Variants in SYNPO2L observed in about 807,000 individuals in gnomAD.
SYNPO2L encodes synaptopodin 2-like protein.
SYNPO2L carries 34 observed loss-of-function variants against 47.5 expected under a neutral mutation model. The ratio of observed to expected loss-of-function variants is 0.72; its 90% confidence interval spans 0.54 to 0.95. The LOEUF (loss-of-function observed/expected upper bound fraction) is 0.95. Ranked by LOEUF, SYNPO2L falls within the 40% of genes least tolerant of loss-of-function variation. The pLI is 0.00. For synonymous variants in SYNPO2L, 536 were observed against 524.9 expected (o/e 1.02, Z -0.29); for missense variants, 1,246 against 1,282.0 (o/e 0.97, Z 0.43).
chr10:73,648,880 C>T lies in SYNPO2L; in HGVS notation c.773-1G>A. 1 of 1,502,544 alleles carries T rather than the reference C, an allele frequency of 6.7e-7. No homozygotes were observed. The highest frequency in any genetic ancestry group is 1.4e-5 in the South Asian group (1 of 73,764). 93.1% of individuals were successfully genotyped at this position (1,502,544 alleles called of 1,614,324 possible). On this transcript the variant is annotated splice_acceptor_variant, in intron 3 of 3. Coordinates refer to ENST00000394810, the MANE Select transcript of SYNPO2L (RefSeq NM_001114133.3). LOFTEE classifies it high-confidence loss of function. ...TGGAGGCTCTCTGCACGTTGCAGTT[C>T]TGGGGAGGCCAAGAGGTAAAATGGT...
At chr10:73,654,455 C>CAG in intron 1 of SYNPO2L, 175 bp from the exon 2 acceptor site, 4 of 699,404 alleles carry the variant, frequency 5.7e-6, no homozygotes, top group Non-Finnish European at 9.3e-6. Context: ...AGAAAGTATA[C>CAG]AGACTGGAGA....
chr10:73,647,209 G>C lies in SYNPO2L; in HGVS notation c.2443C>G (p.Pro815Ala). The change falls in exon 4 of 4, where the codon CCA (proline) becomes GCA (alanine). Residue 815 changes from proline (P) to alanine (A), a missense_variant. Physicochemically the swap from Pro to Ala is conservative, Grantham distance 27. Coordinates refer to ENST00000394810, the MANE Select transcript of SYNPO2L (RefSeq NM_001114133.3). The part of the protein sequence containing the change: ...IRAPPPIAYN[P>A]LLSPFFPQAA... ...TGGGGGAAAAAGGGAGAGAGCAGTG[G>C]GTTGTAAGCAATAGGAGGCGGGGCA... is the stretch of plus-strand genomic sequence containing the variant. 6.2e-7 allele frequency: 1 copy of C among 1,614,010 alleles called. No individual in the cohort carries two copies. The highest frequency in any genetic ancestry group is 8.5e-7 in the Non-Finnish European group (1 of 1,179,930).
chr10:73,653,091 G>C, intron 3 of SYNPO2L, 48 bp downstream of exon 3: 1 of 1,435,930 alleles, frequency 7.0e-7, no homozygotes, highest in Non-Finnish European at 9.2e-7. Flanking sequence ...TGGATTTAAG[G>C]CTCAGATTGA....
intron 2 of SYNPO2L, 97 bp from the exon 3 acceptor site, chr10:73,653,750 G>T: frequency 1.4e-6 from 2 of 1,405,218 alleles, no homozygotes; most frequent in Non-Finnish European, 1.9e-6. Flanking sequence ...GGGGAGGGAA[G>T]AGGTAAGGGA....
At position 73,648,652 on chromosome 10, in the gene SYNPO2L, C is replaced by G. The variant is rs764938063; in HGVS notation, c.1000G>C (p.Glu334Gln). 1.2e-6 allele frequency: 2 copies of G among 1,612,496 alleles called. No individual in the cohort carries two copies. The highest frequency in any genetic ancestry group is 1.3e-5 in the African/African-American group (1 of 74,896). The change falls in exon 4 of 4, where the codon GAG becomes CAG. Residue 334 changes from glutamate to glutamine, a missense_variant. Around this residue, in one of 3 missense-constraint regions of SYNPO2L, gnomAD observed 1,037 missense variants for 1,021.5 expected, o/e 1.02. Transcript: ENST00000394810. Reference sequence around the variant, plus strand: ...TCAGAGAAGGCTTCTTCGTCCAGCTCGGACTCACTCGTGGGGGGAACGCCG... The same window carrying G: ...TCAGAGAAGGCTTCTTCGTCCAGCTGGGACTCACTCGTGGGGGGAACGCCG... ...EDGVPPTSES[E>Q]LDEEAFSDAR...
In SYNPO2L at chr10:73,646,568, AG is replaced by A. The variant is rs2081751662; in HGVS notation, c.*149del. 14 of 1,298,728 alleles carry A rather than the reference AG, an allele frequency of 1.1e-5. No homozygotes were observed. Among genetic ancestry groups the A allele is most frequent in the Admixed American group, 3.3e-5 (1 of 29,860 alleles). 80.5% of individuals were successfully genotyped at this position (1,298,728 alleles called of 1,614,324 possible). ...GCAGGGAGGTAGAGAGTGAGGAGGAAGGTGGGGGAAGGGGACATCAACTTGG... is the reference window on the plus strand; with the variant it reads ...GCAGGGAGGTAGAGAGTGAGGAGGAAGTGGGGGAAGGGGACATCAACTTGG... On this transcript the variant is annotated 3_prime_UTR_variant, in exon 4 of 4. Transcript: ENST00000394810.
In SYNPO2L at chr10:73,647,995, G is replaced by A; in HGVS notation, c.1657C>T (p.Pro553Ser). 6.4e-7 allele frequency: 1 copy of A among 1,568,082 alleles called. No homozygotes were observed. The highest frequency in any genetic ancestry group is 8.6e-7 in the Non-Finnish European group (1 of 1,158,908). ...PVTATSSLYI[P>S]APSRPVTPGG... ...GGGGTGACAGGCCGACTAGGGGCTG[G>A]GATGTACAGGGAGCTGGTGGCTGTC... The change falls in exon 4 of 4, where the codon CCA becomes TCA. Residue 553 changes from proline (P) to serine (S), a missense_variant. This residue lies in a region of SYNPO2L where 1,037 missense variants were observed against 1,021.5 expected (regional missense o/e 1.02). Coordinates refer to ENST00000394810, the MANE Select transcript of SYNPO2L (RefSeq NM_001114133.3).
rs774559890 is a variant in SYNPO2L, at chr10:73,653,411, G to A, written c.500C>T (p.Pro167Leu). ...GACCTCATCAGGTGGGGCACCCGGA[G>A]GGGTGGGCCTTGTGGGGCCTCGGCG... ...PRRRGPTRPT[P>L]PGAPPDEVYL... Residue 167 changes from proline to leucine, a missense_variant, in exon 3 of 4, where the codon CCT becomes CTT. Physicochemically the swap from Pro to Leu is moderately conservative, Grantham distance 98. Around this residue, in one of 3 missense-constraint regions of SYNPO2L, gnomAD observed 148 missense variants for 204.8 expected, o/e 0.72. Transcript: ENST00000394810. The A allele has an allele frequency of 7.4e-5, 115 of 1,551,422 alleles. No homozygotes were observed. In the African/African-American group the frequency reaches 1.5e-3, roughly 20 times the overall value.
At position 73,653,274 on chromosome 10, in the gene SYNPO2L, G is replaced by A; in HGVS notation, c.637C>T (p.Pro213Ser). The stretch of plus-strand genomic sequence containing the variant: ...GGTAACAGCAGAGCCTCAGCTGGGG[G>A]TGGCTGAAGGGCTGCCCCATCCTCC... ...SWEDGAALQP[P>S]PAEALLLPHG... Residue 213 changes from proline (P) to serine (S), a missense_variant, in exon 3 of 4, where the codon CCC becomes TCC. By Grantham distance (74) the Pro-to-Ser change is moderately conservative. Around this residue, in one of 3 missense-constraint regions of SYNPO2L, gnomAD observed 1,037 missense variants for 1,021.5 expected, o/e 1.02. Transcript: ENST00000394810. 2 of 1,550,106 alleles carry A rather than the reference G, an allele frequency of 1.3e-6. No individual in the cohort carries two copies. The highest frequency in any genetic ancestry group is 1.7e-6 in the Non-Finnish European group (2 of 1,146,166).
rs369315169 is a variant in SYNPO2L at position 73,647,903 on chromosome 10, G to C, written c.1749C>G (p.Phe583Leu). ...CAGAGGGTCGCAAAGGCGCAGATAG[G>C]AAGATAGAAGCGGTGGAGGTCATGG... ...AAAMTSTASI[F>L]LSAPLRPSAR... Residue 583 changes from phenylalanine (F) to leucine (L), a missense_variant, in exon 4 of 4, where the codon TTC becomes TTG. By Grantham distance (22) the Phe-to-Leu change is conservative (BLOSUM62 0). Transcript: ENST00000394810. 2 of 1,529,448 alleles carry C rather than the reference G, an allele frequency of 1.3e-6. No individual in the cohort carries two copies. The highest frequency in any genetic ancestry group is 1.4e-5 in the African/African-American group (1 of 71,924). The allele number at this position is 1,529,448 out of a possible 1,614,324, so 94.7% of individuals were successfully genotyped here. A position where few individuals can be genotyped will look rare whatever the true frequency, so the allele number is the denominator to read the frequency against.
In SYNPO2L at chr10:73,645,346, A is replaced by G. The variant is rs368848312; in HGVS notation, c.*1372T>C. 2.8e-6 allele frequency: 3 copies of G among 1,057,348 alleles called. No homozygotes were observed. Among genetic ancestry groups the G allele is most frequent in the African/African-American group, 3.5e-5 (2 of 57,474 alleles). 65.5% of individuals were successfully genotyped at this position (1,057,348 alleles called of 1,614,324 possible). A position where few individuals can be genotyped will look rare whatever the true frequency, so the allele number is the denominator to read the frequency against. On this transcript the variant is annotated 3_prime_UTR_variant, in exon 4 of 4. Transcript: ENST00000394810. ...TGTTACTCAACTTTACCTTCTCCCA[A>G]TATGGCATTGTCCCTCGCCACACTT...
chr10:73,648,775 TG>T lies in SYNPO2L; in HGVS notation c.876del (p.Val295TyrfsTer17), dbSNP rs778838991. The T allele has an allele frequency of 3.2e-5, 51 of 1,610,616 alleles. No individual in the cohort carries two copies. Among genetic ancestry groups the T allele is most frequent in the Non-Finnish European group, 4.0e-5 (47 of 1,178,034 alleles). ...SLLTAAPNPH[S>X]KGVLMFKKRR... ...CGTTTCTTAAACATAAGTACCCCTT[TG>T]GAGTGGGGGTTGGGGGCTGCAGTGA... On this transcript the variant is annotated frameshift_variant, in exon 4 of 4. Transcript: ENST00000394810. LOFTEE classifies it low-confidence loss of function (END_TRUNC).
chr10:73,648,227 T>A lies in SYNPO2L; in HGVS notation c.1425A>T (p.Leu475=), dbSNP rs1047748267. The change falls in exon 4 of 4, where the codon CTA becomes CTT. Residue 475 remains leucine (L), a synonymous_variant. Coordinates refer to ENST00000394810, the MANE Select transcript of SYNPO2L (RefSeq NM_001114133.3). ...NRSARPFTPG[L]QGQRPTTTSV... ...AGGTGGTAGTTGGCCGCTGCCCTTG[T>A]AGGCCCGGGGTAAAGGGCCTGGCTG... 1.3e-6 allele frequency: 2 copies of A among 1,584,970 alleles called. No homozygotes were observed. Among genetic ancestry groups the A allele is most frequent in the Non-Finnish European group, 1.7e-6 (2 of 1,168,174 alleles).
In SYNPO2L at chr10:73,648,560, C is replaced by G. The variant is rs750165140; in HGVS notation, c.1092G>C (p.Ala364=). Residue 364 remains alanine (A), a synonymous_variant, in exon 4 of 4, where the codon GCG becomes GCC. Coordinates refer to ENST00000394810, the MANE Select transcript of SYNPO2L (RefSeq NM_001114133.3). The stretch of plus-strand genomic sequence containing the variant: ...CCTGGCCCTCTGATGCTCTTGAGCC[C>G]GCCCTGGCAAGCTCCATGTCCAGAT... ...SPYLDMELAR[A]GSRASEGQGS... 4 of 1,614,176 alleles carry G rather than the reference C, an allele frequency of 2.5e-6. No homozygotes were observed. The highest frequency in any genetic ancestry group is 3.4e-6 in the Non-Finnish European group (4 of 1,180,016).
chr10:73,654,729 G>C (rs2081866115), intron 1 of SYNPO2L, among the ~76,000 whole-genome samples: 1 of 152,050 alleles, frequency 6.6e-6, no homozygotes, highest in Non-Finnish European at 1.5e-5. Context: ...TGTAATCCCA[G>C]ATACTTGGGA....
In SYNPO2L at chr10:73,646,418, G is replaced by C; in HGVS notation, c.*300C>G. ...CCAGGGAGAAAAGCACAAATGTCAA[G>C]GAAGAGAGATCTGTGGAGGAATATG... On this transcript the variant is annotated 3_prime_UTR_variant, in exon 4 of 4. Transcript: ENST00000394810. 1 of 1,111,240 alleles carries C rather than the reference G, an allele frequency of 9.0e-7. No homozygotes were observed. The highest frequency in any genetic ancestry group is 1.1e-6 in the Non-Finnish European group (1 of 912,326). 68.8% of individuals were successfully genotyped at this position (1,111,240 alleles called of 1,614,324 possible). A position where few individuals can be genotyped will look rare whatever the true frequency, so the allele number is the denominator to read the frequency against.
intron 3 of SYNPO2L, among the ~76,000 whole-genome samples, chr10:73,652,334 C>T (rs1309341405): frequency 1.3e-5 from 2 of 151,852 alleles, no homozygotes; most frequent in Admixed American, 1.3e-4. Flanking sequence ...AAAATTTTTA[C>T]TGGAGACGAA....
At position 73,648,653 on chromosome 10, in the gene SYNPO2L, G is replaced by T; in HGVS notation, c.999C>A (p.Ser333=). 2 of 1,612,480 alleles carry T rather than the reference G, an allele frequency of 1.2e-6. No individual in the cohort carries two copies. Among genetic ancestry groups the T allele is most frequent in the Non-Finnish European group, 1.7e-6 (2 of 1,178,618 alleles). ...CAGAGAAGGCTTCTTCGTCCAGCTC[G>T]GACTCACTCGTGGGGGGAACGCCGT... ...EEDGVPPTSE[S]ELDEEAFSDA... Residue 333 remains serine (S), a synonymous_variant, in exon 4 of 4, where the codon TCC becomes TCA. Coordinates refer to ENST00000394810, the MANE Select transcript of SYNPO2L (RefSeq NM_001114133.3).
At chr10:73,651,330 A>T (rs544404346) in intron 3 of SYNPO2L, among the ~76,000 whole-genome samples, 1 of 152,142 alleles carries the variant, frequency 6.6e-6, no homozygotes, top group Non-Finnish European at 1.5e-5. Flanking sequence ...AAAGCATAGG[A>T]TCCTAGGCAC....
Sources: gnomAD v4.1 joint callset for allele counts (sites outside exome capture counted in the v4.1 genomes callset) on GRCh38, gnomAD v4.1.1 for gene constraint, gnomAD v4.1.1 regional missense constraint, MANE v1.5 for transcripts, NCBI Gene and HGNC (gene_info 2026-07-23, HGNC 2026-07-21) for gene names.